Variants in EPHA6 observed in about 807,000 individuals in gnomAD.
The protein encoded by EPHA6 is ephrin type-A receptor 6.
EPHA6 carries 50 observed loss-of-function variants against 112.0 expected under a neutral mutation model. The ratio of observed to expected loss-of-function variants is 0.45; its 90% CI spans 0.36 to 0.56. The LOEUF (loss-of-function observed/expected upper bound fraction) is 0.56, where lower values mean the gene tolerates loss of function less well. Ranked by LOEUF, EPHA6 falls within the 20% of genes least tolerant of loss-of-function variation. EPHA6 has a pLI of 0.00. For missense variants in EPHA6, 1,280 were observed against 1,417.4 expected (o/e 0.90, Z 1.56); for synonymous variants, 529 against 490.7 (o/e 1.08, Z -1.03).
At chr3:96,853,166 G>C (rs1236115419) in intron 1 of EPHA6, among the ~76,000 whole-genome samples, 1 of 152,012 alleles carries the variant, frequency 6.6e-6, no homozygotes. Context: ...TATAATTACA[G>C]CTTGAGAGCA....
intron 5 of EPHA6, among the ~76,000 whole-genome samples, chr3:97,375,589 C>T (rs376919989): frequency 2.6e-5 from 4 of 152,120 alleles, no homozygotes; most frequent in Admixed American, 2.0e-4. Context: ...TGAAGAAAAA[C>T]GGTCAGTGCA....
chr3:97,732,964 G>C (rs1305343977), intron 15 of EPHA6, among the ~76,000 whole-genome samples: 1 of 151,972 alleles, frequency 6.6e-6, no homozygotes, highest in Non-Finnish European at 1.5e-5. Flanking sequence ...CCAGAGGTCA[G>C]CAAGAAAAAG....
intron 3 of EPHA6, among the ~76,000 whole-genome samples, chr3:97,056,266 A>G (rs946825575): frequency 6.6e-6 from 1 of 152,158 alleles, no homozygotes; most frequent in African/African-American, 2.4e-5. Context: ...TACACTTGCT[A>G]TGCGAACATA....
At chr3:96,991,080 C>T (rs898943335) in intron 3 of EPHA6, among the ~76,000 whole-genome samples, 2 of 152,050 alleles carry the variant, frequency 1.3e-5, no homozygotes, top group African/African-American at 2.4e-5. Flanking sequence ...ATCTTGAACT[C>T]CTAGGTTCAA....
At chr3:97,184,823 G>A (rs2077080787) in intron 3 of EPHA6, among the ~76,000 whole-genome samples, 1 of 152,130 alleles carries the variant, frequency 6.6e-6, no homozygotes, top group African/African-American at 2.4e-5. Flanking sequence ...TATACTTCAA[G>A]GCTACAGTAA....
intron 3 of EPHA6, among the ~76,000 whole-genome samples, chr3:97,111,720 G>A (rs959966720): frequency 2.0e-5 from 3 of 151,824 alleles, no homozygotes; most frequent in African/African-American, 7.3e-5. Context: ...TTCAAGCAAT[G>A]TACACTTATA....
chr3:97,716,971 G>A (rs1464423147), intron 14 of EPHA6, among the ~76,000 whole-genome samples: 1 of 152,076 alleles, frequency 6.6e-6, no homozygotes, highest in Admixed American at 6.5e-5. Flanking sequence ...AGCACTTTGG[G>A]AGGCCAAGGT....
chr3:96,887,614 G>T (rs1405107691), intron 2 of EPHA6, among the ~76,000 whole-genome samples: 1 of 152,140 alleles, frequency 6.6e-6, no homozygotes, highest in Non-Finnish European at 1.5e-5. Context: ...CAGCTGTGGT[G>T]GTATCAGGAG....
At chr3:97,265,486 G>C (rs2079646716) in intron 5 of EPHA6, among the ~76,000 whole-genome samples, 1 of 152,218 alleles carries the variant, frequency 6.6e-6, no homozygotes, top group Non-Finnish European at 1.5e-5. Context: ...CGGCAGGGCT[G>C]TGACAGCGCC....
At chr3:97,551,120 C>T (rs1299939643) in intron 11 of EPHA6, among the ~76,000 whole-genome samples, 2 of 152,138 alleles carry the variant, frequency 1.3e-5, no homozygotes, top group African/African-American at 4.8e-5. Flanking sequence ...TTTTAACTCT[C>T]TATATTATAA....
chr3:97,634,086 T>C (rs1207467711), intron 13 of EPHA6, among the ~76,000 whole-genome samples: 1 of 152,112 alleles, frequency 6.6e-6, no homozygotes, highest in Non-Finnish European at 1.5e-5. Flanking sequence ...AAAACTCCAA[T>C]AGATAAGAAT....
At chr3:97,504,167 C>T (rs1456736830) in intron 10 of EPHA6, among the ~76,000 whole-genome samples, 1 of 152,132 alleles carries the variant, frequency 6.6e-6, no homozygotes, top group Admixed American at 6.5e-5. Flanking sequence ...ATAATTAATA[C>T]AATTGTTACA....
intron 1 of EPHA6, among the ~76,000 whole-genome samples, chr3:96,835,357 T>C (rs936235818): frequency 2.0e-5 from 3 of 152,050 alleles, no homozygotes; most frequent in Non-Finnish European, 4.4e-5. Flanking sequence ...ACATCTACTT[T>C]CAAGTTTCAA....
At chr3:97,221,225 G>A (rs918744683) in intron 3 of EPHA6, among the ~76,000 whole-genome samples, 3 of 142,802 alleles carry the variant, frequency 2.1e-5, no homozygotes, top group Non-Finnish European at 4.5e-5. Context: ...CAGGAGAATC[G>A]CTTGAACCAG....
chr3:97,614,518 T>A (rs1318331461), intron 13 of EPHA6, among the ~76,000 whole-genome samples: 4 of 148,808 alleles, frequency 2.7e-5, no homozygotes, highest in African/African-American at 7.4e-5. Flanking sequence ...TTTTTTTTTT[T>A]TTTTTTTTGT....
chr3:97,330,835 A>G (rs1231500946), intron 5 of EPHA6, among the ~76,000 whole-genome samples: 1 of 152,146 alleles, frequency 6.6e-6, no homozygotes, highest in Non-Finnish European at 1.5e-5. Context: ...TAGACAGATC[A>G]ACGAGACAGA....
chr3:97,133,872 A>G (rs1304475710), intron 3 of EPHA6, among the ~76,000 whole-genome samples: 1 of 152,016 alleles, frequency 6.6e-6, no homozygotes, highest in Non-Finnish European at 1.5e-5. Context: ...TCTAAATTTT[A>G]TCCTTTTAAG....
At chr3:97,500,296 A>T (rs889533761) in intron 10 of EPHA6, among the ~76,000 whole-genome samples, 3 of 151,920 alleles carry the variant, frequency 2.0e-5, no homozygotes, top group Non-Finnish European at 2.9e-5. Flanking sequence ...TTTTTTTTAA[A>T]AAAAGAGGTT....
intron 1 of EPHA6, among the ~76,000 whole-genome samples, chr3:96,852,137 T>C (rs1266942207): frequency 6.6e-6 from 1 of 152,030 alleles, no homozygotes; most frequent in African/African-American, 2.4e-5. Flanking sequence ...AACTGGAGTT[T>C]TAAATTTCTA....
Sources: allele counts gnomAD v4.1 joint callset (sites outside exome capture counted in the v4.1 genomes callset), GRCh38; gene constraint gnomAD v4.1.1; transcripts MANE v1.5; gene names NCBI Gene and HGNC (gene_info 2026-07-23, HGNC 2026-07-21).